The following FHOD3 variants were observed in gnomAD, a reference collection of about 807,000 sequenced individuals.
FHOD3 encodes formin homology 2 domain containing 3.
Under a neutral mutation model 173.0 loss-of-function variants are expected in FHOD3, and 90 were observed. That is an observed-to-expected ratio of 0.52 (90% CI 0.44 to 0.62). The LOEUF (loss-of-function observed/expected upper bound fraction) is 0.62. FHOD3 is among the 20% of genes least tolerant of loss of function. The pLI is 0.00. For missense variants in FHOD3, 1,945 were observed against 2,034.7 expected (o/e 0.96, Z 0.85); for synonymous variants, 828 against 823.0 (o/e 1.01, Z -0.10).
At position 36,438,082 on chromosome 18, in the gene FHOD3, C is replaced by T. The variant is rs913711464; in HGVS notation, c.338-63850C>T. Among the ~76,000 whole-genome samples the T allele has an allele frequency of 2.0e-5, 3 of 152,326 alleles. No homozygotes were observed. The East Asian group carries it at 5.8e-4, about 29-fold the overall frequency. On this transcript the variant is annotated intron_variant, in intron 3 of 28. Transcript: ENST00000590592. The stretch of plus-strand genomic sequence containing the variant: ...CTGAATCTGTTCCAAGCAGTTTCCA[C>T]AGCAAGGCTGTTAGGAACCTCCATG...
In FHOD3 at chr18:36,389,263, C is replaced by A. The variant is rs1285416625; in HGVS notation, c.337+16519C>A. On this transcript the variant is annotated intron_variant, in intron 3 of 28. Coordinates refer to ENST00000590592, the MANE Select transcript of FHOD3 (RefSeq NM_001281740.3). ...GCAAGTACATTTCCTTTTTTCCTTTCTTCTCCCTTAGGTCAACACTCCCAG... is the reference window on the plus strand; with the variant it reads ...GCAAGTACATTTCCTTTTTTCCTTTATTCTCCCTTAGGTCAACACTCCCAG... Among the ~76,000 whole-genome samples, 2 of 151,902 alleles carry A rather than the reference C, an allele frequency of 1.3e-5. 1 individual carries two copies. The highest frequency in any genetic ancestry group is 4.1e-4 in the South Asian group (2 of 4,824).
intron 1 of FHOD3, among the ~76,000 whole-genome samples, chr18:36,308,303 G>A (rs1363700444): frequency 6.6e-6 from 1 of 152,182 alleles, no homozygotes; most frequent in African/African-American, 2.4e-5. Flanking sequence ...ATCTTGGATA[G>A]GAGCAGTTAC....
chr18:36,727,847 T>C (rs1229988238), intron 19 of FHOD3, among the ~76,000 whole-genome samples: 1 of 152,200 alleles, frequency 6.6e-6, no homozygotes, highest in Non-Finnish European at 1.5e-5. Flanking sequence ...CTCAGGGTGA[T>C]GGCAAGGGGC....
At chr18:36,601,074 T>C (rs1304210373) in intron 7 of FHOD3, among the ~76,000 whole-genome samples, 1 of 152,214 alleles carries the variant, frequency 6.6e-6, no homozygotes. Flanking sequence ...ATGGTTACTT[T>C]GCAGTGGTTG....
intron 18 of FHOD3, among the ~76,000 whole-genome samples, chr18:36,716,941 T>TGC (rs1456766314): frequency 6.6e-6 from 1 of 151,596 alleles, no homozygotes; most frequent in Non-Finnish European, 1.5e-5. Context: ...TGTGTGTGTG[T>TGC]GTGTGTGTGT....
intron 6 of FHOD3, among the ~76,000 whole-genome samples, chr18:36,589,122 A>G (rs189135821): frequency 3.9e-5 from 6 of 152,274 alleles, no homozygotes; most frequent in Admixed American, 3.9e-4. Flanking sequence ...CAGCTCAGTA[A>G]CCCCCAAAAT....
In FHOD3 at chr18:36,664,533, G is replaced by A. The variant is rs1345470647; in HGVS notation, c.1835+6345G>A. On this transcript the variant is annotated intron_variant, in intron 14 of 28. Transcript: ENST00000590592. ...GTAAGTTCAGAGTGGGGTCTGGCTC[G>A]CTAATGGTAGGTTCACAAAGTGACT... Among the ~76,000 whole-genome samples, 9 of 152,124 alleles carry A rather than the reference G, an allele frequency of 5.9e-5. No homozygotes were observed. The South Asian group carries it at 1.5e-3, about 25-fold the overall frequency.
At chr18:36,446,469 A>G (rs2051483453) in intron 3 of FHOD3, among the ~76,000 whole-genome samples, 2 of 149,182 alleles carry the variant, frequency 1.3e-5, no homozygotes, top group African/African-American at 2.5e-5. Context: ...GACTGCTCCC[A>G]GAGAGGTCAG....
Position 36,718,694 on chromosome 18 carries a change from C to G in FHOD3, c.3396C>G (p.Ser1132=). The G allele has an allele frequency of 6.2e-6, 10 of 1,613,528 alleles. No individual in the cohort carries two copies. Among genetic ancestry groups the G allele is most frequent in the Non-Finnish European group, 8.5e-6 (10 of 1,179,638 alleles). ...SRLEHLFESK[S]KELSVSKKTA... is the part of the protein sequence containing the mutation. Reference sequence around the variant, plus strand: ...TGGAGCACCTGTTTGAGTCTAAATCCAAGGAACTGTCTGTCTCAAAGGTAC... The same window carrying G: ...TGGAGCACCTGTTTGAGTCTAAATCGAAGGAACTGTCTGTCTCAAAGGTAC... The change falls in exon 19 of 29, where the codon TCC becomes TCG. Residue 1132 remains serine, a synonymous_variant. Coordinates refer to ENST00000590592, the MANE Select transcript of FHOD3 (RefSeq NM_001281740.3).
At chr18:36,584,632 A>G (rs999072472) in intron 6 of FHOD3, among the ~76,000 whole-genome samples, 2 of 152,214 alleles carry the variant, frequency 1.3e-5, no homozygotes, top group Admixed American at 1.3e-4. Context: ...TTTATAATTC[A>G]GTTAATGATT....
At chr18:36,315,019 A>G (rs951423629) in intron 1 of FHOD3, among the ~76,000 whole-genome samples, 3 of 152,178 alleles carry the variant, frequency 2.0e-5, no homozygotes, top group African/African-American at 4.8e-5. Context: ...TTCTAAGTCA[A>G]GTTCTCTGCA....
chr18:36,473,430 T>A (rs1485761798), intron 3 of FHOD3, among the ~76,000 whole-genome samples: 2 of 152,082 alleles, frequency 1.3e-5, no homozygotes, highest in African/African-American at 4.8e-5. Context: ...ACAAACGAAA[T>A]GCAGCACCTG....
At chr18:36,313,088 G>T (rs928555055) in intron 1 of FHOD3, among the ~76,000 whole-genome samples, 8 of 152,100 alleles carry the variant, frequency 5.3e-5, no homozygotes, top group African/African-American at 1.4e-4. Flanking sequence ...GTGTCCTCAG[G>T]GTAGGTGGAC....
intron 3 of FHOD3, among the ~76,000 whole-genome samples, chr18:36,499,388 G>A (rs1202265823): frequency 6.6e-6 from 1 of 152,200 alleles, no homozygotes; most frequent in African/African-American, 2.4e-5. Flanking sequence ...ACAGGCCTGA[G>A]CCACGGTGCC....
At chr18:36,316,597 G>C (rs115516470) in intron 1 of FHOD3, among the ~76,000 whole-genome samples, 1 of 152,164 alleles carries the variant, frequency 6.6e-6, no homozygotes, top group Non-Finnish European at 1.5e-5. Flanking sequence ...AGTAGTTTCC[G>C]ATCAGTTTAT....
At chr18:36,735,013 T>G (rs749548751) in intron 20 of FHOD3, among the ~76,000 whole-genome samples, 15 of 152,336 alleles carry the variant, frequency 9.8e-5, no homozygotes, top group Admixed American at 5.2e-4. Flanking sequence ...TGCAGCCATC[T>G]CTAAGTAGCA....
At chr18:36,548,253 A>G (rs2057496241) in intron 5 of FHOD3, among the ~76,000 whole-genome samples, 1 of 152,186 alleles carries the variant, frequency 6.6e-6, no homozygotes, top group Non-Finnish European at 1.5e-5. Flanking sequence ...ATAATCAACA[A>G]CTTGCCAGGC....
intron 19 of FHOD3, among the ~76,000 whole-genome samples, chr18:36,730,130 A>T (rs978148623): frequency 6.6e-5 from 10 of 152,112 alleles, no homozygotes; most frequent in Admixed American, 5.9e-4. Context: ...GGAATGTTTG[A>T]ATGGCAAGGT....
intron 14 of FHOD3, among the ~76,000 whole-genome samples, chr18:36,664,562 G>A (rs1372902036): frequency 6.6e-6 from 1 of 152,052 alleles, no homozygotes; most frequent in Non-Finnish European, 1.5e-5. Context: ...AGTGACTGTG[G>A]GCCCTAGGGA....
Sources: gnomAD v4.1 joint callset for allele counts (sites outside exome capture counted in the v4.1 genomes callset) on GRCh38, gnomAD v4.1.1 for gene constraint, MANE v1.5 for transcripts, NCBI Gene and HGNC (gene_info 2026-07-23, HGNC 2026-07-21) for gene names.